The following DNAH17 variants were observed in gnomAD, a reference collection of about 807,000 sequenced individuals.
DNAH17 encodes the protein dynein axonemal heavy chain 17, also known as axonemal beta dynein heavy chain 17.
A neutral mutation model predicts 485.6 loss-of-function variants in DNAH17; 376 were observed. That is an observed-to-expected ratio of 0.77 (90% CI 0.71 to 0.84). DNAH17 has a LOEUF of 0.84. DNAH17 is among the 40% of genes least tolerant of loss of function. DNAH17 has a pLI of 0.00. For synonymous variants in DNAH17, 3,031 were observed against 2,405.9 expected (o/e 1.26, Z -7.60); for missense variants, 6,370 against 5,839.3 (o/e 1.09, Z -2.96).
At chr17:78,500,167 C>A in intron 36 of DNAH17, 138 bp downstream of exon 36, 1 of 968,234 alleles carries the variant, frequency 1.0e-6, no homozygotes, top group Non-Finnish European at 1.5e-6. Context: ...AAGTGGGGGC[C>A]CTGGCACCTC....
intron 56 of DNAH17, among the ~76,000 whole-genome samples, chr17:78,463,471 T>C (rs112225754): frequency 0.042 from 6,332 of 151,740 alleles, 465 homozygotes; most frequent in African/African-American, 0.15. Flanking sequence ...TACACGTGCA[T>C]ACGCATTCAC....
intron 69 of DNAH17, 33 bp downstream of exon 69, chr17:78,449,381 G>T (rs2146487761): frequency 6.6e-7 from 1 of 1,525,308 alleles, no homozygotes; most frequent in South Asian, 1.2e-5. Context: ...CTGGTCCACG[G>T]ACCACACTAG....
intron 55 of DNAH17, among the ~76,000 whole-genome samples, chr17:78,467,199 A>C (rs1261776062): frequency 2.0e-5 from 3 of 152,216 alleles, no homozygotes; most frequent in Non-Finnish European, 4.4e-5. Context: ...ATAGTGGCTA[A>C]TTCCCAGAAA....
chr17:78,495,867 C>T lies in DNAH17; in HGVS notation c.5903+8G>A, dbSNP rs746892203. 8.7e-6 allele frequency: 14 copies of T among 1,609,792 alleles called. No homozygotes were observed. Among genetic ancestry groups the T allele is most frequent in the Non-Finnish European group, 1.1e-5 (13 of 1,177,190 alleles). On this transcript the variant is annotated splice_region_variant and intron_variant, in intron 38 of 80. Transcript: ENST00000389840. ...CTGCAGCCACTCACTTTCACCTGGG[C>T]CACGTACCTGAATAAGGCTTTTAGG...
rs536508557 is a variant in DNAH17, at chr17:78,556,456, A to G, written c.2178+1652T>C. Among the ~76,000 whole-genome samples, 7 of 152,336 alleles carry G rather than the reference A, an allele frequency of 4.6e-5. No homozygotes were observed. The East Asian group carries it at 1.3e-3, about 29-fold the overall frequency. ...TGACCTCCAGAACTAGAAGGTAGGA[A>G]ATACGTGCCGTTTAAAGTCACTCAG... is the stretch of plus-strand genomic sequence containing the variant. On this transcript the variant is annotated intron_variant, in intron 14 of 80. Coordinates refer to ENST00000389840, the MANE Select transcript of DNAH17 (RefSeq NM_173628.4).
chr17:78,481,316 G>A (rs913042153), intron 48 of DNAH17, among the ~76,000 whole-genome samples: 2 of 151,716 alleles, frequency 1.3e-5, no homozygotes, highest in Non-Finnish European at 2.9e-5. Context: ...TGTTAGCCAG[G>A]ATGGTCTTGA....
chr17:78,507,158 G>A, intron 29 of DNAH17, 120 bp downstream of exon 29: 2 of 1,155,322 alleles, frequency 1.7e-6, no homozygotes, highest in Non-Finnish European at 2.4e-6. Flanking sequence ...GATTAACCCA[G>A]GACCCATGGT....
rs572957030 is a variant in DNAH17 at position 78,442,446 on chromosome 17, A to G, written c.11529-1247T>C. Among the ~76,000 whole-genome samples the G allele has an allele frequency of 9.8e-5, 15 of 152,298 alleles. No individual in the cohort carries two copies. The South Asian group carries it at 1.2e-3, about 13-fold the overall frequency. The stretch of plus-strand genomic sequence containing the variant: ...GAGTTGCTCCTCCTGAAGGCCCCCA[A>G]TTCTTTTTGGAACTCTGGAATGGCC... On this transcript the variant is annotated intron_variant, in intron 71 of 80. Transcript: ENST00000389840.
chr17:78,463,496 A>G (rs1281589314), intron 56 of DNAH17, among the ~76,000 whole-genome samples: 1 of 152,110 alleles, frequency 6.6e-6, no homozygotes, highest in Non-Finnish European at 1.5e-5. Context: ...CTGTATATAT[A>G]CACGTGCATA....
Position 78,501,765 on chromosome 17 carries a change from C to T in DNAH17, c.5299G>A (p.Val1767Met), listed in dbSNP as rs1568163829. 1.9e-6 allele frequency: 3 copies of T among 1,613,666 alleles called. No homozygotes were observed. Among genetic ancestry groups the T allele is most frequent in the Non-Finnish European group, 2.5e-6 (3 of 1,179,892 alleles). ...GCCTTGGCCACGATCATTTTGGCCA[C>T]CACGTCCCGTGCGTGCACATCGATG... The part of the protein sequence containing the change: ...CTIDVHARDV[V>M]AKMIVAKVES... Residue 1767 changes from valine (V) to methionine (M), a missense_variant, in exon 34 of 81, where the codon GTG (valine) becomes ATG (methionine). Physicochemically the swap from Val to Met is conservative, Grantham distance 21. Transcript: ENST00000389840.
chr17:78,423,763 TGTGCTTG>T lies in DNAH17; in HGVS notation c.*136_*142del. The T allele has an allele frequency of 1.8e-6, 2 of 1,096,684 alleles. No homozygotes were observed. The highest frequency in any genetic ancestry group is 2.6e-6 in the Non-Finnish European group (2 of 759,336). 67.9% of individuals were successfully genotyped at this position (1,096,684 alleles called of 1,614,324 possible). A position where few individuals can be genotyped will look rare whatever the true frequency, so the allele number is the denominator to read the frequency against. ...ACCAACCTCCACCCTCTGGTTCCGA[TGTGCTTG>T]GTTACAAAGCACCTGATTATTTAAG... On this transcript the variant is annotated 3_prime_UTR_variant, in exon 81 of 81. Coordinates refer to ENST00000389840, the MANE Select transcript of DNAH17 (RefSeq NM_173628.4).
chr17:78,480,260 A>G (rs971919607), intron 49 of DNAH17, among the ~76,000 whole-genome samples: 1 of 151,594 alleles, frequency 6.6e-6, no homozygotes, highest in Non-Finnish European at 1.5e-5. Flanking sequence ...GAGGCAGGAG[A>G]ATTGCTTAAA....
Position 78,444,601 on chromosome 17 carries a change from C to G in DNAH17, c.11528+3G>C. On this transcript the variant is annotated splice_donor_region_variant and intron_variant, in intron 71 of 80. Coordinates refer to ENST00000389840, the MANE Select transcript of DNAH17 (RefSeq NM_173628.4). ...GGGGCCCCCGGCGCGGCGGGACACTCACTTGATAGCGTAGGTCATGCGATC... is the reference window on the plus strand; with the variant it reads ...GGGGCCCCCGGCGCGGCGGGACACTGACTTGATAGCGTAGGTCATGCGATC... 1.9e-6 allele frequency: 3 copies of G among 1,552,222 alleles called. No individual in the cohort carries two copies. Among genetic ancestry groups the G allele is most frequent in the Non-Finnish European group, 2.6e-6 (3 of 1,149,904 alleles).
chr17:78,518,413 C>T (rs638647), intron 25 of DNAH17, among the ~76,000 whole-genome samples: 74,990 of 152,030 alleles, frequency 0.49, 19,073 homozygotes, highest in African/African-American at 0.6. Flanking sequence ...AGGAACATTA[C>T]ATAATGGGAA....
chr17:78,507,435 G>A (rs1283306167), intron 28 of DNAH17, 23 bp downstream of exon 28: 4 of 1,613,602 alleles, frequency 2.5e-6, no homozygotes, highest in Middle Eastern at 1.6e-4. Context: ...TGAAGTGCGT[G>A]GGAACCACCG....
In DNAH17 at chr17:78,574,899, C is replaced by T. The variant is rs918350188; in HGVS notation, c.159G>A (p.Val53=). 3 of 1,613,850 alleles carry T rather than the reference C, an allele frequency of 1.9e-6. No individual in the cohort carries two copies. The change falls in exon 2 of 81, where the codon GTG becomes GTA. Residue 53 remains valine, a synonymous_variant. Transcript: ENST00000389840. The part of the protein sequence containing the change: ...FFEKPDVQVL[V]LTLNAAGMII... ...TCATGCCGGCTGCATTGAGCGTCAGCACCAGCACCTGGACGTCGGGCTTTT... is the reference window on the plus strand; with the variant it reads ...TCATGCCGGCTGCATTGAGCGTCAGTACCAGCACCTGGACGTCGGGCTTTT...
intron 71 of DNAH17, among the ~76,000 whole-genome samples, chr17:78,442,776 G>A (rs1461558720): frequency 2.0e-5 from 3 of 150,714 alleles, no homozygotes; most frequent in African/African-American, 7.3e-5. Flanking sequence ...ATTGGCACAT[G>A]CTGTGCGTCA....
intron 42 of DNAH17, among the ~76,000 whole-genome samples, chr17:78,492,093 G>A (rs1200624077): frequency 5.9e-5 from 9 of 152,098 alleles, no homozygotes; most frequent in South Asian, 2.1e-4. Context: ...GGTAGGGTGC[G>A]GGGGACAGGC....
Position 78,539,811 on chromosome 17 carries a change from C to T in DNAH17, c.2602G>A (p.Asp868Asn), listed in dbSNP as rs763275541. The change falls in exon 18 of 81, where the codon GAC (aspartate) becomes AAC (asparagine). Residue 868 changes from aspartate to asparagine, a missense_variant. By Grantham distance (23) the Asp-to-Asn change is conservative. Coordinates refer to ENST00000389840, the MANE Select transcript of DNAH17 (RefSeq NM_173628.4). The part of the protein sequence containing the change: ...PWKDYVIYID[D>N]MVLDEFDQFI... ...TGGTCAAATTCATCTAAGACCATGT[C>T]GTCAATGTAGATGACATAATCCTTC... 8 of 1,612,022 alleles carry T rather than the reference C, an allele frequency of 5.0e-6. No individual in the cohort carries two copies. Among genetic ancestry groups the T allele is most frequent in the South Asian group, 4.4e-5 (4 of 90,900 alleles).
Sources: gnomAD v4.1 joint callset for allele counts (sites outside exome capture counted in the v4.1 genomes callset) on GRCh38, gnomAD v4.1.1 for gene constraint, MANE v1.5 for transcripts, NCBI Gene and HGNC (gene_info 2026-07-23, HGNC 2026-07-21) for gene names.